ZBTB16: variants seen among roughly 807,000 people sequenced by gnomAD.
ZBTB16 encodes zinc finger and BTB domain containing 16.
A neutral mutation model predicts 56.8 loss-of-function variants in ZBTB16; 8 were observed. The observed-to-expected ratio is 0.14, with a 90% CI of 0.08 to 0.25. The LOEUF (loss-of-function observed/expected upper bound fraction) is 0.25. Among genes scored for constraint, ZBTB16 ranks in the 10% least tolerant of loss-of-function variants. The pLI, the probability that ZBTB16 is intolerant of heterozygous loss-of-function variation, is 1.00. For missense variants in ZBTB16, 625 were observed against 903.0 expected (o/e 0.69, Z 3.95); for synonymous variants, 363 against 368.5 (o/e 0.98, Z 0.17).
chr11:114,062,250 G>C (rs1460496869), intron 1 of ZBTB16, among the ~76,000 whole-genome samples: 1 of 151,946 alleles, frequency 6.6e-6, no homozygotes, highest in Non-Finnish European at 1.5e-5. Flanking sequence ...ATTACAGGCG[G>C]GTGCCACCGC....
chr11:114,221,193 G>A (rs564065936), intron 4 of ZBTB16, among the ~76,000 whole-genome samples: 1 of 152,126 alleles, frequency 6.6e-6, no homozygotes, highest in Non-Finnish European at 1.5e-5. Context: ...CAATATCACT[G>A]AGTAAATAGG....
intron 3 of ZBTB16, among the ~76,000 whole-genome samples, chr11:114,179,822 C>T (rs1032165075): frequency 2.0e-5 from 3 of 151,984 alleles, no homozygotes; most frequent in East Asian, 1.9e-4. Context: ...TCCTGGATGC[C>T]GGGACCCCCT....
intron 3 of ZBTB16, among the ~76,000 whole-genome samples, chr11:114,166,091 A>G (rs747723488): frequency 5.9e-5 from 9 of 151,966 alleles, no homozygotes; most frequent in Non-Finnish European, 1.2e-4. Flanking sequence ...GTGAAATGGC[A>G]TGGCATTCAC....
chr11:114,204,642 G>A (rs1052115643), intron 4 of ZBTB16, among the ~76,000 whole-genome samples: 2 of 152,076 alleles, frequency 1.3e-5, no homozygotes, highest in Non-Finnish European at 2.9e-5. Flanking sequence ...TGTATCCAGA[G>A]GACCTTCCAG....
intron 2 of ZBTB16, among the ~76,000 whole-genome samples, chr11:114,139,330 C>G (rs886497387): frequency 4.6e-5 from 7 of 152,162 alleles, no homozygotes; most frequent in African/African-American, 1.4e-4. Context: ...CTCATGACTT[C>G]CTGTTTTCCT....
chr11:114,234,475 C>T (rs1381729786), intron 4 of ZBTB16, among the ~76,000 whole-genome samples: 2 of 152,174 alleles, frequency 1.3e-5, no homozygotes, highest in African/African-American at 4.8e-5. Flanking sequence ...TTCCAGGGTT[C>T]GGTGGGCTGA....
chr11:114,251,791 G>A lies in ZBTB16; in HGVS notation c.*1236G>A, dbSNP rs1479857352. On this transcript the variant is annotated 3_prime_UTR_variant, in exon 7 of 7. Coordinates refer to ENST00000335953, the MANE Select transcript of ZBTB16 (RefSeq NM_006006.6). The stretch of plus-strand genomic sequence containing the variant: ...AGGAGGGGGAGGAGCTGCAGGAGGA[G>A]GAGGATTTGAAAGCGCTTTGGCCTT... Among the ~76,000 whole-genome samples the A allele has an allele frequency of 2.6e-5, 4 of 152,182 alleles. No homozygotes were observed. The highest frequency in any genetic ancestry group is 5.9e-5 in the Non-Finnish European group (4 of 68,026).
At chr11:114,110,454 T>C (rs962547181) in intron 2 of ZBTB16, among the ~76,000 whole-genome samples, 2 of 152,184 alleles carry the variant, frequency 1.3e-5, no homozygotes, top group Admixed American at 6.5e-5. Context: ...TTAGGGCTTT[T>C]GCGTGAGGTT....
chr11:114,146,226 A>G (rs1942096446), intron 2 of ZBTB16, among the ~76,000 whole-genome samples: 1 of 151,860 alleles, frequency 6.6e-6, no homozygotes, highest in Non-Finnish European at 1.5e-5. Flanking sequence ...TTTTTTTCTT[A>G]GAGGCCTCTC....
chr11:114,063,123 G>C lies in ZBTB16; in HGVS notation c.-90-88G>C, dbSNP rs964918439. 2 of 682,478 alleles carry C rather than the reference G, an allele frequency of 2.9e-6. No homozygotes were observed. Among genetic ancestry groups the C allele is most frequent in the Non-Finnish European group, 5.0e-6 (2 of 399,218 alleles). 42.3% of individuals were successfully genotyped at this position (682,478 alleles called of 1,614,324 possible). ...AACAGGGAGGAGGGGGCATGTTGTAGTGGTTGAATTCTTACTTTTAGGGAC... is the reference window on the plus strand; with the variant it reads ...AACAGGGAGGAGGGGGCATGTTGTACTGGTTGAATTCTTACTTTTAGGGAC... On this transcript the variant is annotated intron_variant, in intron 1 of 6. Transcript: ENST00000335953. This position sits in a 1 kb window ranked among gnomAD's most constrained non-coding sequence, Gnocchi z 6.5.
At chr11:114,190,353 A>G (rs663230) in intron 4 of ZBTB16, among the ~76,000 whole-genome samples, 88,761 of 152,026 alleles carry the variant, frequency 0.58, 26,391 homozygotes, top group African/African-American at 0.67. Context: ...TAATCCAACT[A>G]ACCTACTGAA....
intron 2 of ZBTB16, among the ~76,000 whole-genome samples, chr11:114,152,339 C>T (rs769496613): frequency 3.3e-5 from 5 of 152,214 alleles, no homozygotes; most frequent in Non-Finnish European, 5.9e-5. Context: ...TTGTATCTTG[C>T]TAGCTTCGTT....
intron 4 of ZBTB16, chr11:114,188,619 TG>T (rs1943420533): frequency 6.6e-6 from 1 of 152,188 alleles, no homozygotes; most frequent in South Asian, 2.1e-4. Flanking sequence ...AGATATTTAT[TG>T]AGTTTCTACA....
Position 114,063,420 on chromosome 11 carries a change from G to C in ZBTB16, c.120G>C (p.Val40=), listed in dbSNP as rs1389608528. The C allele has an allele frequency of 1.9e-6, 3 of 1,614,154 alleles. No homozygotes were observed. Among genetic ancestry groups the C allele is most frequent in the Non-Finnish European group, 2.5e-6 (3 of 1,180,028 alleles). Residue 40 remains valine (V), a synonymous_variant, in exon 2 of 7, where the codon GTG becomes GTC. Transcript: ENST00000335953. The surrounding 1 kb of genome is among the most constrained non-coding windows in gnomAD (Gnocchi z 6.5). ...AGTLCDVVIM[V]DSQEFHAHRT... ...CTTTGTGCGATGTGGTCATCATGGT[G>C]GACAGCCAGGAGTTCCACGCCCACC... is the stretch of plus-strand genomic sequence containing the variant.
chr11:114,159,940 G>GGGGT (rs1555145937), intron 3 of ZBTB16, among the ~76,000 whole-genome samples: 9 of 148,164 alleles, frequency 6.1e-5, no homozygotes, highest in African/African-American at 2.3e-4. Flanking sequence ...GGGGAGGCGG[G>GGGGT]GGGGAGGCGA....
rs577946230 is a variant in ZBTB16 at position 114,064,679 on chromosome 11, T to G, written c.1268+111T>G. 2 of 1,415,238 alleles carry G rather than the reference T, an allele frequency of 1.4e-6. No individual in the cohort carries two copies. Among genetic ancestry groups the G allele is most frequent in the South Asian group, 1.2e-5 (1 of 81,502 alleles). The allele number at this position is 1,415,238 out of a possible 1,614,324, so 87.7% of individuals were successfully genotyped here. ...GGCCTGGCTCCCCTGTCTTGGCAAT[T>G]TGTGAAAAAACCAGAACACTTCTTC... On this transcript the variant is annotated intron_variant, in intron 2 of 6. Transcript: ENST00000335953. The surrounding 1 kb of genome is among the most constrained non-coding windows in gnomAD (Gnocchi z 4.2).
In ZBTB16 at chr11:114,206,034, C is replaced by A. The variant is rs532114219; in HGVS notation, c.1453+18996C>A. Among the ~76,000 whole-genome samples, 3 of 152,238 alleles carry A rather than the reference C, an allele frequency of 2.0e-5. No individual in the cohort carries two copies. In the East Asian group the frequency reaches 5.8e-4, roughly 29 times the overall value. On this transcript the variant is annotated intron_variant, in intron 4 of 6. Transcript: ENST00000335953. ...GCTTAGATTCCTTGTTCTGGGACAC[C>A]CACTGGGCCCCAAATCTTAAGCTCC...
rs559785843 is a variant in ZBTB16, at chr11:114,225,276, T to C, written c.1454-16891T>C. Among the ~76,000 whole-genome samples, 5 of 152,268 alleles carry C rather than the reference T, an allele frequency of 3.3e-5. No individual in the cohort carries two copies. The South Asian group carries it at 1.0e-3, about 32-fold the overall frequency. ...TGGGAATGAGGTTTGAATATAACACTGTAGAGATAGAGCTCTTCTTGGTGA... is the reference window on the plus strand; with the variant it reads ...TGGGAATGAGGTTTGAATATAACACCGTAGAGATAGAGCTCTTCTTGGTGA... On this transcript the variant is annotated intron_variant, in intron 4 of 6. Coordinates refer to ENST00000335953, the MANE Select transcript of ZBTB16 (RefSeq NM_006006.6).
chr11:114,059,877 G>A lies in ZBTB16; in HGVS notation c.-96G>A, dbSNP rs1038238176. The A allele has an allele frequency of 1.3e-5, 5 of 397,590 alleles. No homozygotes were observed. The highest frequency in any genetic ancestry group is 4.4e-5 in the Admixed American group (1 of 22,684). The allele number at this position is 397,590 out of a possible 1,614,324, so 24.6% of individuals were successfully genotyped here. ...CACCCACCCCACAGTGCCCGGCTCG[G>A]CTGCGGTGAGTGAGGGGCCGGGAAG... On this transcript the variant is annotated 5_prime_UTR_variant, in exon 1 of 7. Transcript: ENST00000335953. The surrounding 1 kb of genome is among the most constrained non-coding windows in gnomAD (Gnocchi z 5.3).
Sources: allele counts gnomAD v4.1 joint callset (sites outside exome capture counted in the v4.1 genomes callset), GRCh38; gene constraint gnomAD v4.1.1; non-coding constraint Gnocchi (gnomAD v3.1); transcripts MANE v1.5; gene names NCBI Gene and HGNC (gene_info 2026-07-23, HGNC 2026-07-21).